The following SOX6 variants were observed in gnomAD, a reference collection of about 807,000 sequenced individuals.
SOX6 encodes the protein transcription factor SOX-6.
Under a neutral mutation model 97.8 loss-of-function variants are expected in SOX6, and 11 were observed. The ratio of observed to expected loss-of-function variants is 0.11; its 90% CI spans 0.07 to 0.19. The LOEUF is 0.19. Ranked by LOEUF, SOX6 falls within the 10% of genes least tolerant of loss-of-function variation. SOX6 has a pLI of 1.00. For synonymous variants in SOX6, 360 were observed against 371.4 expected (o/e 0.97, Z 0.35); for missense variants, 810 against 1,039.5 (o/e 0.78, Z 3.04).
chr11:16,050,082 C>T (rs1376434444), intron 10 of SOX6, 144 bp from the exon 11 acceptor site: 30 of 824,640 alleles, frequency 3.6e-5, no homozygotes, highest in Admixed American at 1.7e-4. Flanking sequence ...TATCTACCTC[C>T]TTGAAGATTC....
intron 4 of SOX6, among the ~76,000 whole-genome samples, chr11:16,204,490 A>T (rs1362115426): frequency 6.6e-6 from 1 of 152,052 alleles, no homozygotes; most frequent in East Asian, 1.9e-4. Flanking sequence ...TTCCAATTTG[A>T]ACTTCAACAA....
At chr11:16,495,912 T>G (rs539802864) in intron 4 of SOX6, among the ~76,000 whole-genome samples, 1 of 152,166 alleles carries the variant, frequency 6.6e-6, no homozygotes, top group Non-Finnish European at 1.5e-5. Context: ...CAACAAAATA[T>G]CACCACAGCC....
intron 1 of SOX6, among the ~76,000 whole-genome samples, chr11:16,351,402 A>G (rs1027368141): frequency 1.3e-5 from 2 of 151,844 alleles, no homozygotes; most frequent in African/African-American, 4.8e-5. Context: ...GCTTTTTCAC[A>G]CCTCATACCT....
intron 4 of SOX6, among the ~76,000 whole-genome samples, chr11:16,523,170 G>C (rs1173354540): frequency 7.2e-6 from 1 of 138,676 alleles, no homozygotes; most frequent in South Asian, 2.7e-4. Context: ...CAAATCAACA[G>C]AATATACATT....
At chr11:16,084,408 T>C (rs1339356640) in intron 9 of SOX6, among the ~76,000 whole-genome samples, 1 of 151,922 alleles carries the variant, frequency 6.6e-6, no homozygotes, top group Non-Finnish European at 1.5e-5. Context: ...ATTTTTCAAA[T>C]TAATGAATGA....
At chr11:16,127,551 C>T (rs1849637933) in intron 6 of SOX6, among the ~76,000 whole-genome samples, 1 of 152,008 alleles carries the variant, frequency 6.6e-6, no homozygotes, top group Admixed American at 6.6e-5. Context: ...GTATAATAAA[C>T]ATAAAGATTA....
At chr11:16,420,950 G>A (rs1371884809) in intron 1 of SOX6, among the ~76,000 whole-genome samples, 1 of 152,130 alleles carries the variant, frequency 6.6e-6, no homozygotes, top group Admixed American at 6.6e-5. Flanking sequence ...ATTTAGCTAA[G>A]ACTTCTTAAA....
At chr11:16,242,327 G>A (rs182492375) in intron 3 of SOX6, among the ~76,000 whole-genome samples, 1 of 152,002 alleles carries the variant, frequency 6.6e-6, no homozygotes, top group East Asian at 1.9e-4. Context: ...AGATCAATAG[G>A]TTATACTATA....
intron 1 of SOX6, among the ~76,000 whole-genome samples, chr11:16,474,596 T>C (rs575697968): frequency 5.3e-5 from 8 of 152,244 alleles, no homozygotes; most frequent in African/African-American, 1.9e-4. Context: ...TTTTTCTGAG[T>C]AGTATGTCTC....
chr11:16,121,255 A>T (rs1375228532), intron 6 of SOX6, among the ~76,000 whole-genome samples: 1 of 152,062 alleles, frequency 6.6e-6, no homozygotes, highest in Admixed American at 6.6e-5. Context: ...ACATAATCTT[A>T]ATTCCTAGTA....
chr11:16,354,580 C>T (rs1857028154), intron 1 of SOX6, among the ~76,000 whole-genome samples: 1 of 151,986 alleles, frequency 6.6e-6, no homozygotes, highest in Non-Finnish European at 1.5e-5. Context: ...CTGCTGATAA[C>T]TGTATTCCTA....
At chr11:16,198,580 A>G (rs547543196) in intron 4 of SOX6, among the ~76,000 whole-genome samples, 1 of 152,310 alleles carries the variant, frequency 6.6e-6, no homozygotes, top group African/African-American at 2.4e-5. Context: ...TATGAGCCTC[A>G]TAAGGAATAT....
chr11:16,132,440 AGAAAAAAGAAAGAAAGAAAG>A lies in SOX6; in HGVS notation c.778-20537_778-20518del, dbSNP rs1564972619. The stretch of plus-strand genomic sequence containing the variant: ...AAGAAAGAAAGAAAGAAAGAAAGAA[AGAAAAAAGAAAGAAAGAAAG>A]AAAGAAAGAAAGAAAGAAAGAAAGA... On this transcript the variant is annotated intron_variant, in intron 6 of 15. Transcript: ENST00000683767. Among the ~76,000 whole-genome samples the A allele has an allele frequency of 1.4e-3, 142 of 100,180 alleles. 6 individuals carry two copies. Among genetic ancestry groups the A allele is most frequent in the African/African-American group, 4.1e-3 (88 of 21,628 alleles). 65.7% of individuals were successfully genotyped at this position (100,180 alleles called of 152,430 possible). A position where few individuals can be genotyped will look rare whatever the true frequency, so the allele number is the denominator to read the frequency against.
At position 16,589,274 on chromosome 11, in the gene SOX6, A is replaced by G. The variant is rs574479845; in HGVS notation, n.609+22807T>C. On this transcript the variant is annotated intron_variant and non_coding_transcript_variant, in intron 4 of 5. Coordinates refer to the SOX6 transcript ENST00000524520. ...TACATACATCCTAGGAGTATACTAC[A>G]TAAATATGCTGCAGTATATTTATTT... Among the ~76,000 whole-genome samples, 6 of 152,312 alleles carry G rather than the reference A, an allele frequency of 3.9e-5. No homozygotes were observed. The South Asian group carries it at 1.2e-3, about 32-fold the overall frequency.
intron 3 of SOX6, among the ~76,000 whole-genome samples, chr11:16,238,438 T>C (rs535508953): frequency 6.6e-6 from 1 of 152,202 alleles, no homozygotes; most frequent in East Asian, 1.9e-4. Context: ...TTATCACAGC[T>C]GAGTAATGTT....
At chr11:16,401,733 G>A (rs1858564219) in intron 1 of SOX6, among the ~76,000 whole-genome samples, 1 of 151,532 alleles carries the variant, frequency 6.6e-6, no homozygotes, top group Non-Finnish European at 1.5e-5. Context: ...AAGGAACACG[G>A]CTTCTCAAAA....
chr11:16,115,538 G>C (rs996857), intron 6 of SOX6, among the ~76,000 whole-genome samples: 1,894 of 152,296 alleles, frequency 0.012, 41 homozygotes, highest in African/African-American at 0.043. Flanking sequence ...GTTCCCAGGT[G>C]AAGCTGGGGC....
At chr11:16,098,801 G>A (rs544575213) in intron 7 of SOX6, among the ~76,000 whole-genome samples, 1 of 151,892 alleles carries the variant, frequency 6.6e-6, no homozygotes, top group African/African-American at 2.4e-5. Flanking sequence ...ATAATGAATA[G>A]ACAGCTTAGA....
chr11:16,154,872 TA>T (rs1850557178), intron 6 of SOX6, among the ~76,000 whole-genome samples: 1 of 152,046 alleles, frequency 6.6e-6, no homozygotes, highest in African/African-American at 2.4e-5. Flanking sequence ...AGTGTTCAAA[TA>T]TTTGTAGTGG....
Sources: gnomAD v4.1 joint callset for allele counts (sites outside exome capture counted in the v4.1 genomes callset) on GRCh38, gnomAD v4.1.1 for gene constraint, MANE v1.5 for transcripts, NCBI Gene and HGNC (gene_info 2026-07-23, HGNC 2026-07-21) for gene names.